GNG11: variants seen among roughly 807,000 people sequenced by gnomAD.
GNG11 encodes G protein subunit gamma 11.
A neutral mutation model predicts 7.4 loss-of-function variants in GNG11; 6 were observed. The ratio of observed to expected loss-of-function variants is 0.81; its 90% CI spans 0.44 to 1.60. GNG11 has a LOEUF of 1.60. Among genes scored for constraint, GNG11 ranks in the 40% most tolerant of loss-of-function variants. The pLI, the probability that GNG11 is intolerant of heterozygous loss-of-function variation, is 0.01. For synonymous variants in GNG11, 31 were observed against 25.9 expected, an observed-to-expected ratio of 1.20 and a Z score of -0.60; for missense variants, 65 against 83.0, an observed-to-expected ratio of 0.78 and a Z score of 0.84.
At chr7:93,924,212 A>T (rs918277777) in intron 1 of GNG11, among the ~76,000 whole-genome samples, 1 of 152,232 alleles carries the variant, frequency 6.6e-6, no homozygotes, top group Non-Finnish European at 1.5e-5. Flanking sequence ...TGCAAGTTGC[A>T]TTCTGGCTGT....
At chr7:93,922,757 T>C (rs554454827) in intron 1 of GNG11, among the ~76,000 whole-genome samples, 20 of 152,332 alleles carry the variant, frequency 1.3e-4, no homozygotes, top group African/African-American at 4.6e-4. Flanking sequence ...GTAAATCTCA[T>C]CCCTTTATAA....
Position 93,922,080 on chromosome 7 carries a change from G to A in GNG11, c.-58G>A. ...GTTGTTTCGGGACGCGCCGAGCTTC[G>A]CCGCTCTTCCAGCGGCTCCGCTGCC... On this transcript the variant is annotated 5_prime_UTR_variant, in exon 1 of 2. Coordinates refer to ENST00000248564, the MANE Select transcript of GNG11 (RefSeq NM_004126.4). 1.8e-6 allele frequency: 2 copies of A among 1,123,252 alleles called. No homozygotes were observed. Among genetic ancestry groups the A allele is most frequent in the Non-Finnish European group, 1.3e-6 (1 of 787,994 alleles). 69.6% of individuals were successfully genotyped at this position (1,123,252 alleles called of 1,614,324 possible).
Position 93,922,069 on chromosome 7 carries a change from C to T in GNG11, c.-69C>T, listed in dbSNP as rs1160473212. The T allele has an allele frequency of 4.1e-6, 4 of 965,074 alleles. No individual in the cohort carries two copies. Among genetic ancestry groups the T allele is most frequent in the African/African-American group, 1.7e-5 (1 of 60,192 alleles). 59.8% of individuals were successfully genotyped at this position (965,074 alleles called of 1,614,324 possible). ...CCAGGCCTTCAGTTGTTTCGGGACG[C>T]GCCGAGCTTCGCCGCTCTTCCAGCG... On this transcript the variant is annotated 5_prime_UTR_variant, in exon 1 of 2. Transcript: ENST00000248564.
At chr7:93,923,934 C>T (rs1794645659) in intron 1 of GNG11, among the ~76,000 whole-genome samples, 1 of 152,108 alleles carries the variant, frequency 6.6e-6, no homozygotes, top group South Asian at 2.1e-4. Flanking sequence ...AATATTAAGA[C>T]ATTTGATTAT....
In GNG11 at chr7:93,927,940, T is replaced by A. The variant is rs1180614300; in HGVS notation, c.*1724T>A. On this transcript the variant is annotated 3_prime_UTR_variant, in exon 2 of 2. Coordinates refer to ENST00000248564, the MANE Select transcript of GNG11 (RefSeq NM_004126.4). ...CCAAACAGCATAGAACTATTAGTAC[T>A]ATTAGTCATTTAACATTTAACATGG... is the stretch of plus-strand genomic sequence containing the variant. The A allele has an allele frequency of 6.6e-6, 1 of 152,202 alleles. No homozygotes were observed. Among genetic ancestry groups the A allele is most frequent in the East Asian group, 1.9e-4 (1 of 5,200 alleles). The allele number at this position is 152,202 out of a possible 1,614,324, so 9.4% of individuals were successfully genotyped here. A position where few individuals can be genotyped will look rare whatever the true frequency, so the allele number is the denominator to read the frequency against.
chr7:93,924,745 T>G (rs1335543824), intron 1 of GNG11, among the ~76,000 whole-genome samples: 3 of 152,258 alleles, frequency 2.0e-5, no homozygotes, highest in Non-Finnish European at 4.4e-5. Context: ...AGTTAAAAAT[T>G]ATATTCATTT....
In GNG11 at chr7:93,922,167, A is replaced by G. The variant is rs1004866882; in HGVS notation, c.30A>G (p.Pro10=). 2 of 1,596,716 alleles carry G rather than the reference A, an allele frequency of 1.3e-6. No homozygotes were observed. The highest frequency in any genetic ancestry group is 1.7e-5 in the Admixed American group (1 of 59,296). The change falls in exon 1 of 2, where the codon CCA becomes CCG. Residue 10 remains proline (P), a synonymous_variant. Transcript: ENST00000248564. MPALHIEDL[P]EKEKLKMEVE... ...CTGCCCTTCACATCGAAGATTTGCCAGAGAAGGAAAAACTGAAAATGGAAG... is the reference window on the plus strand; with the variant it reads ...CTGCCCTTCACATCGAAGATTTGCCGGAGAAGGAAAAACTGAAAATGGAAG...
chr7:93,923,480 C>T lies in GNG11; in HGVS notation c.96+1247C>T, dbSNP rs1019470973. On this transcript the variant is annotated intron_variant, in intron 1 of 1. Coordinates refer to ENST00000248564, the MANE Select transcript of GNG11 (RefSeq NM_004126.4). ...AGTTACACTACCCAATCAATAAGCA[C>T]GCTTCTTGAAACCTTAAGGGACCCA... Among the ~76,000 whole-genome samples the T allele has an allele frequency of 3.3e-5, 5 of 152,266 alleles. No individual in the cohort carries two copies. In the South Asian group the frequency reaches 6.2e-4, roughly 19 times the overall value.
At chr7:93,924,166 A>C (rs938933682) in intron 1 of GNG11, among the ~76,000 whole-genome samples, 1 of 152,202 alleles carries the variant, frequency 6.6e-6, no homozygotes, top group Admixed American at 6.5e-5. Flanking sequence ...CATCTGGGCT[A>C]CGTGTTCAGT....
chr7:93,927,315 C>T lies in GNG11; in HGVS notation c.*1099C>T, dbSNP rs1794691533. 6.6e-6 allele frequency: 1 copy of T among 152,222 alleles called. No homozygotes were observed. Among genetic ancestry groups the T allele is most frequent in the South Asian group, 2.1e-4 (1 of 4,830 alleles). The allele number at this position is 152,222 out of a possible 1,614,324, so 9.4% of individuals were successfully genotyped here. On this transcript the variant is annotated 3_prime_UTR_variant, in exon 2 of 2. Coordinates refer to ENST00000248564, the MANE Select transcript of GNG11 (RefSeq NM_004126.4). ...GGTTTTATCCTGCAGGGCAACACGT[C>T]AGAGTATAACTCCTGCTCAAGTTCA...
In GNG11 at chr7:93,927,709, A is replaced by G. The variant is rs575540135; in HGVS notation, c.*1493A>G. 1.2e-4 allele frequency: 18 copies of G among 152,308 alleles called. No homozygotes were observed. The highest frequency in any genetic ancestry group is 4.1e-4 in the African/African-American group (17 of 41,560). 9.4% of individuals were successfully genotyped at this position (152,308 alleles called of 1,614,324 possible). On this transcript the variant is annotated 3_prime_UTR_variant, in exon 2 of 2. Transcript: ENST00000248564. The stretch of plus-strand genomic sequence containing the variant: ...CTTTCCCTCTCTGGGAAAGAACAGA[A>G]TACCCCAGGCTTTTGAAAAATAGTT...
chr7:93,924,298 G>A (rs1490930060), intron 1 of GNG11, among the ~76,000 whole-genome samples: 3 of 152,180 alleles, frequency 2.0e-5, no homozygotes, highest in Non-Finnish European at 4.4e-5. Flanking sequence ...CACATTTGGA[G>A]GTTACAGACC....
rs1253238850 is a variant in GNG11 at position 93,926,663 on chromosome 7, C to CT, written c.*447_*448insT. ...CAGATCACATCTCCAAACCCTGCGTCAATGGTTTAGAGTGCTGAGTTCTGA... is the reference window on the plus strand; with the variant it reads ...CAGATCACATCTCCAAACCCTGCGTCTAATGGTTTAGAGTGCTGAGTTCTGA... On this transcript the variant is annotated 3_prime_UTR_variant, in exon 2 of 2. Coordinates refer to ENST00000248564, the MANE Select transcript of GNG11 (RefSeq NM_004126.4). The CT allele has an allele frequency of 6.5e-6, 1 of 152,702 alleles. No homozygotes were observed. The highest frequency in any genetic ancestry group is 1.9e-4 in the East Asian group (1 of 5,204). The allele number at this position is 152,702 out of a possible 1,614,324, so 9.5% of individuals were successfully genotyped here. A position where few individuals can be genotyped will look rare whatever the true frequency, so the allele number is the denominator to read the frequency against.
Position 93,927,590 on chromosome 7 carries a change from A to T in GNG11, c.*1374A>T, listed in dbSNP as rs1341397411. 5 of 152,182 alleles carry T rather than the reference A, an allele frequency of 3.3e-5. No individual in the cohort carries two copies. Among genetic ancestry groups the T allele is most frequent in the African/African-American group, 1.2e-4 (5 of 41,432 alleles). The allele number at this position is 152,182 out of a possible 1,614,324, so 9.4% of individuals were successfully genotyped here. On this transcript the variant is annotated 3_prime_UTR_variant, in exon 2 of 2. Coordinates refer to ENST00000248564, the MANE Select transcript of GNG11 (RefSeq NM_004126.4). The stretch of plus-strand genomic sequence containing the variant: ...ACTAGCTCTTTTCTCCCACTTACAC[A>T]TGTAGGTATACCTTACTATCAAGCG...
Position 93,926,125 on chromosome 7 carries a change from T to C in GNG11, c.131T>C (p.Ile44Thr). Residue 44 changes from isoleucine (I) to threonine (T), a missense_variant, in exon 2 of 2, where the codon ATT becomes ACT. By Grantham distance (89) the Ile-to-Thr change is moderately conservative (BLOSUM62 -1). Coordinates refer to ENST00000248564, the MANE Select transcript of GNG11 (RefSeq NM_004126.4). The stretch of plus-strand genomic sequence containing the variant: ...TGTTCTGAAGAAATAAAGAACTATA[T>C]TGAAGAACGTTCTGGAGAGGATCCT... ...SKCSEEIKNY[I>T]EERSGEDPLV... 2 of 1,556,758 alleles carry C rather than the reference T, an allele frequency of 1.3e-6. No individual in the cohort carries two copies. The highest frequency in any genetic ancestry group is 1.8e-6 in the Non-Finnish European group (2 of 1,139,010).
Position 93,928,101 on chromosome 7 carries a change from CA to C in GNG11, c.*1886del, listed in dbSNP as rs1794705806. On this transcript the variant is annotated 3_prime_UTR_variant, in exon 2 of 2. Transcript: ENST00000248564. ...CGGTTACTGGCAAGGCAGTTTAAATCACCTGCTTCTTTCATGAAAGGCCAAG... is the reference window on the plus strand; with the variant it reads ...CGGTTACTGGCAAGGCAGTTTAAATCCCTGCTTCTTTCATGAAAGGCCAAG... 6.7e-6 allele frequency: 1 copy of C among 149,474 alleles called. No individual in the cohort carries two copies. Among genetic ancestry groups the C allele is most frequent in the Non-Finnish European group, 1.5e-5 (1 of 68,018 alleles). 9.3% of individuals were successfully genotyped at this position (149,474 alleles called of 1,614,324 possible). A position where few individuals can be genotyped will look rare whatever the true frequency, so the allele number is the denominator to read the frequency against.
intron 1 of GNG11, among the ~76,000 whole-genome samples, chr7:93,923,317 A>G (rs1221000806): frequency 6.6e-6 from 1 of 152,148 alleles, no homozygotes; most frequent in African/African-American, 2.4e-5. Context: ...TTTACTTTTT[A>G]CATATTTCTT....
At position 93,926,426 on chromosome 7, in the gene GNG11, G is replaced by A. The variant is rs1446357128; in HGVS notation, c.*210G>A. Reference sequence around the variant, plus strand: ...TTTAAGAGAGCAGAGAGTATCAGATGTACAATTATGGAAATAAGAACATTA... The same window carrying A: ...TTTAAGAGAGCAGAGAGTATCAGATATACAATTATGGAAATAAGAACATTA... On this transcript the variant is annotated 3_prime_UTR_variant, in exon 2 of 2. Coordinates refer to ENST00000248564, the MANE Select transcript of GNG11 (RefSeq NM_004126.4). 6.0e-6 allele frequency: 2 copies of A among 334,312 alleles called. No individual in the cohort carries two copies. Among genetic ancestry groups the A allele is most frequent in the Non-Finnish European group, 1.1e-5 (2 of 184,960 alleles). The allele number at this position is 334,312 out of a possible 1,614,324, so 20.7% of individuals were successfully genotyped here.
rs1794705109 is a variant in GNG11 at position 93,928,009 on chromosome 7, T to C, written c.*1793T>C. On this transcript the variant is annotated 3_prime_UTR_variant, in exon 2 of 2. Transcript: ENST00000248564. The stretch of plus-strand genomic sequence containing the variant: ...TGGTGCCTGTAAAGTTTTACTTCTA[T>C]TAGCTGTTTCATTTCTTTGCACTTA... The C allele has an allele frequency of 1.3e-5, 2 of 152,260 alleles. No homozygotes were observed. The highest frequency in any genetic ancestry group is 6.5e-5 in the Admixed American group (1 of 15,282). The allele number at this position is 152,260 out of a possible 1,614,324, so 9.4% of individuals were successfully genotyped here.
Sources: gnomAD v4.1 joint callset for allele counts (sites outside exome capture counted in the v4.1 genomes callset) on GRCh38, gnomAD v4.1.1 for gene constraint, MANE v1.5 for transcripts, NCBI Gene and HGNC (gene_info 2026-07-23, HGNC 2026-07-21) for gene names.